LRMDA: variants seen among roughly 807,000 people sequenced by gnomAD.
LRMDA encodes leucine-rich melanocyte differentiation-associated protein.
LRMDA carries 18 observed loss-of-function variants against 29.8 expected under a neutral mutation model. The observed-to-expected ratio is 0.60, with a 90% confidence interval of 0.42 to 0.90. The LOEUF (loss-of-function observed/expected upper bound fraction) is 0.90. LRMDA is among the 40% of genes least tolerant of loss of function. The probability of loss-of-function intolerance (pLI) is 0.00; values close to 1 mark genes in which losing one functional copy is unlikely to be tolerated. For missense variants in LRMDA, 273 were observed against 273.9 expected (o/e 1.00, Z 0.02); for synonymous variants, 125 against 109.4 (o/e 1.14, Z -0.89).
chr10:75,847,341 A>G (rs1021391496), intron 2 of LRMDA, among the ~76,000 whole-genome samples: 2 of 152,226 alleles, frequency 1.3e-5, no homozygotes, highest in African/African-American at 2.4e-5. Flanking sequence ...TTCATATTAT[A>G]TACAAAAATC....
At chr10:75,675,367 C>A (rs2132147531) in intron 2 of LRMDA, among the ~76,000 whole-genome samples, 1 of 152,228 alleles carries the variant, frequency 6.6e-6, no homozygotes, top group Admixed American at 6.5e-5. Context: ...AAGCTGAAAC[C>A]TTGATCAGTT....
rs79831531 is a variant in LRMDA, at chr10:76,008,121, G to T, written c.132-27887G>T. Among the ~76,000 whole-genome samples the T allele has an allele frequency of 4.3e-3, 659 of 152,280 alleles. 34 individuals are homozygous for T. In the East Asian group the frequency reaches 0.11, roughly 25 times the overall value. On this transcript the variant is annotated intron_variant, in intron 2 of 6. Coordinates refer to ENST00000611255, the MANE Select transcript of LRMDA (RefSeq NM_001305581.2). ...AAGAAGCAGGGAGGGCGGGGGCCGGGGAGAAGCCTCTGGAAAACTCCCATT... is the reference window on the plus strand; with the variant it reads ...AAGAAGCAGGGAGGGCGGGGGCCGGTGAGAAGCCTCTGGAAAACTCCCATT...
rs3001912 is a variant in LRMDA, at chr10:75,691,028, C to T, written c.131+252534C>T. On this transcript the variant is annotated intron_variant, in intron 2 of 6. Coordinates refer to ENST00000611255, the MANE Select transcript of LRMDA (RefSeq NM_001305581.2). Reference sequence around the variant, plus strand: ...ACACACACACACACACACACACACACATATATATATTGCAGATGTGGCAGA... The same window carrying T: ...ACACACACACACACACACACACACATATATATATATTGCAGATGTGGCAGA... Among the ~76,000 whole-genome samples the T allele has an allele frequency of 2.0e-3, 258 of 126,962 alleles. 2 individuals are homozygous for T. The highest frequency in any genetic ancestry group is 4.0e-3 in the South Asian group (15 of 3,752). The allele number at this position is 126,962 out of a possible 152,430, so 83.3% of individuals were successfully genotyped here.
chr10:75,625,549 A>G (rs1262339965), intron 2 of LRMDA, among the ~76,000 whole-genome samples: 3 of 152,172 alleles, frequency 2.0e-5, no homozygotes, highest in Non-Finnish European at 4.4e-5. Flanking sequence ...GTAATTTTGT[A>G]TCTTCCTTAG....
intron 2 of LRMDA, among the ~76,000 whole-genome samples, chr10:75,849,932 G>C (rs1392587142): frequency 1.3e-5 from 2 of 152,220 alleles, no homozygotes; most frequent in Non-Finnish European, 2.9e-5. Context: ...TGATGACAAT[G>C]TGAAGGTAAA....
At chr10:75,761,865 A>G (rs1265069643) in intron 2 of LRMDA, among the ~76,000 whole-genome samples, 1 of 139,468 alleles carries the variant, frequency 7.2e-6, no homozygotes, top group Non-Finnish European at 1.5e-5. Flanking sequence ...ATGCAGTGGT[A>G]TCTTGGCTCA....
chr10:76,018,247 G>T (rs1004831929), intron 2 of LRMDA, among the ~76,000 whole-genome samples: 1 of 152,188 alleles, frequency 6.6e-6, no homozygotes, highest in African/African-American at 2.4e-5. Flanking sequence ...TTTGTAGTCA[G>T]GGCCTGTCCT....
intron 5 of LRMDA, among the ~76,000 whole-genome samples, chr10:76,143,110 G>A (rs1175635003): frequency 6.6e-6 from 1 of 152,128 alleles, no homozygotes; most frequent in Non-Finnish European, 1.5e-5. Flanking sequence ...ATTTAGGTTG[G>A]TTCCAAGTCT....
chr10:76,123,342 CAAA>C (rs3042573), intron 5 of LRMDA, among the ~76,000 whole-genome samples: 2,393 of 144,048 alleles, frequency 0.017, 52 homozygotes, highest in African/African-American at 0.05. Context: ...TTATTTCTAC[CAAA>C]AAAAAAAAAA....
intron 2 of LRMDA, among the ~76,000 whole-genome samples, chr10:75,893,410 G>A (rs979362378): frequency 2.6e-5 from 4 of 152,188 alleles, no homozygotes; most frequent in African/African-American, 4.8e-5. Flanking sequence ...CAGGTTAGAC[G>A]TATTTCCTGC....
At chr10:75,799,664 G>T (rs1391700641) in intron 2 of LRMDA, among the ~76,000 whole-genome samples, 4 of 149,438 alleles carry the variant, frequency 2.7e-5, no homozygotes, top group African/African-American at 1.0e-4. Context: ...ACAGGTGTGT[G>T]TTACTATTCC....
At chr10:75,661,193 C>T (rs962992218) in intron 2 of LRMDA, among the ~76,000 whole-genome samples, 1 of 152,146 alleles carries the variant, frequency 6.6e-6, no homozygotes, top group Admixed American at 6.5e-5. Context: ...CCAGTTGCTG[C>T]CTGGTTTGAG....
chr10:75,621,232 ACC>A (rs1554816454), intron 2 of LRMDA, among the ~76,000 whole-genome samples: 4 of 150,620 alleles, frequency 2.7e-5, no homozygotes, highest in African/African-American at 7.4e-5. Context: ...ACACCCACAC[ACC>A]CACACACACA....
intron 2 of LRMDA, among the ~76,000 whole-genome samples, chr10:75,553,771 G>A (rs1840181563): frequency 6.6e-6 from 1 of 152,062 alleles, no homozygotes; most frequent in Non-Finnish European, 1.5e-5. Context: ...TTTTTTATGA[G>A]AGAAGGGCCT....
intron 5 of LRMDA, among the ~76,000 whole-genome samples, chr10:76,225,271 C>T (rs1851929776): frequency 1.3e-5 from 2 of 151,844 alleles, no homozygotes; most frequent in South Asian, 2.1e-4. Context: ...ACTAGCTGGG[C>T]GTGGTGGTGG....
intron 6 of LRMDA, among the ~76,000 whole-genome samples, chr10:76,378,842 CTT>C (rs1284877820): frequency 7.6e-6 from 1 of 130,734 alleles, no homozygotes; most frequent in East Asian, 2.1e-4. Flanking sequence ...TCTTTTCTCT[CTT>C]TTTCTTTTTT....
At chr10:76,005,570 G>T (rs923845199) in intron 2 of LRMDA, among the ~76,000 whole-genome samples, 1 of 152,088 alleles carries the variant, frequency 6.6e-6, no homozygotes, top group African/African-American at 2.4e-5. Flanking sequence ...CTATGATTGT[G>T]CCACTGCACT....
At chr10:75,647,245 T>C (rs1841533962) in intron 2 of LRMDA, among the ~76,000 whole-genome samples, 1 of 152,064 alleles carries the variant, frequency 6.6e-6, no homozygotes, top group African/African-American at 2.4e-5. Flanking sequence ...CTTGCAACCA[T>C]GTCCAATTTT....
chr10:75,810,449 A>T (rs61861026), intron 2 of LRMDA, among the ~76,000 whole-genome samples: 1 of 152,148 alleles, frequency 6.6e-6, no homozygotes, highest in Non-Finnish European at 1.5e-5. Flanking sequence ...AATATTGAGG[A>T]CACCCAATAT....
Sources: gnomAD v4.1 joint callset for allele counts (sites outside exome capture counted in the v4.1 genomes callset) on GRCh38, gnomAD v4.1.1 for gene constraint, MANE v1.5 for transcripts, NCBI Gene and HGNC (gene_info 2026-07-23, HGNC 2026-07-21) for gene names.